The following RMST variants were observed in gnomAD, a reference collection of about 807,000 sequenced individuals.
RMST encodes the protein rhabdomyosarcoma 2 associated transcript, also known as long intergenic non-protein coding RNA 54.
chr12:97,475,561 A>G (rs1874436621), intron 5 of RMST, among the ~76,000 whole-genome samples: 1 of 150,722 alleles, frequency 6.6e-6, no homozygotes, highest in African/African-American at 2.4e-5. Context: ...AACGATTATA[A>G]TACCCACCTT....
chr12:97,480,530 G>T (rs1875152330), intron 5 of RMST, among the ~76,000 whole-genome samples: 1 of 152,130 alleles, frequency 6.6e-6, no homozygotes, highest in African/African-American at 2.4e-5. Flanking sequence ...TTGTCACCAT[G>T]CGATCCACCT....
At chr12:97,471,630 G>T (rs1463114573) in intron 5 of RMST, among the ~76,000 whole-genome samples, 1 of 152,102 alleles carries the variant, frequency 6.6e-6, no homozygotes, top group African/African-American at 2.4e-5. Context: ...TTTCTATGGT[G>T]ATTTCATTTT....
chr12:97,488,386 T>C (rs1876366449), intron 5 of RMST, among the ~76,000 whole-genome samples: 1 of 152,178 alleles, frequency 6.6e-6, no homozygotes, highest in East Asian at 1.9e-4. Context: ...TTGTTTTCAG[T>C]CTACTCTCTT....
intron 11 of RMST, chr12:97,552,153 C>G (rs976668831): frequency 3.3e-5 from 5 of 152,076 alleles, no homozygotes; most frequent in African/African-American, 1.2e-4. Context: ...TGCATCATTT[C>G]TAGAAAGTTA....
chr12:97,519,603 G>C (rs557469926), intron 10 of RMST, among the ~76,000 whole-genome samples: 8 of 152,272 alleles, frequency 5.3e-5, no homozygotes, highest in African/African-American at 1.9e-4. Context: ...CAAAGGCCTA[G>C]CTTGCTTAGC....
chr12:97,530,457 G>A (rs1367718900), intron 10 of RMST: 4 of 152,020 alleles, frequency 2.6e-5, no homozygotes, highest in Non-Finnish European at 4.4e-5. Context: ...GGTGACGCAT[G>A]TCTTCCTGAT....
intron 5 of RMST, among the ~76,000 whole-genome samples, chr12:97,485,826 G>C (rs1876030553): frequency 6.6e-6 from 1 of 152,212 alleles, no homozygotes; most frequent in African/African-American, 2.4e-5. Context: ...ATTTACATCA[G>C]GGCATTTCAG....
intron 5 of RMST, among the ~76,000 whole-genome samples, chr12:97,474,624 C>CAAAAAAAAAAAAAAAAAAAAAAAAA (rs34888626): frequency 3.6e-5 from 2 of 55,790 alleles, no homozygotes; most frequent in Non-Finnish European, 6.6e-5. Flanking sequence ...AAAAAGAAGC[C>CAAAAAAAAAAAAAAAAAAAAAAAAA]AAAAAAAAAA....
intron 10 of RMST, among the ~76,000 whole-genome samples, chr12:97,497,857 G>A (rs758818663): frequency 3.9e-5 from 6 of 152,058 alleles, no homozygotes; most frequent in Non-Finnish European, 8.8e-5. Flanking sequence ...GTAGGGGTCC[G>A]CTATGCTATG....
At chr12:97,540,947 T>G (rs1007241266) in intron 11 of RMST, among the ~76,000 whole-genome samples, 1 of 88,020 alleles carries the variant, frequency 1.1e-5, no homozygotes, top group Non-Finnish European at 1.9e-5. Context: ...GATAGATAGA[T>G]ATAGATATAG....
chr12:97,511,991 G>A (rs758674764), intron 10 of RMST, among the ~76,000 whole-genome samples: 12 of 152,184 alleles, frequency 7.9e-5, no homozygotes, highest in South Asian at 2.1e-4. Flanking sequence ...ATGAAGCCGC[G>A]GACCCTCGCA....
At chr12:97,505,833 A>T (rs1259223071) in intron 10 of RMST, among the ~76,000 whole-genome samples, 1 of 152,232 alleles carries the variant, frequency 6.6e-6, no homozygotes, top group African/African-American at 2.4e-5. Flanking sequence ...TACCAAAAAA[A>T]TTCAAGATTT....
At chr12:97,550,941 T>A (rs1883267774) in intron 11 of RMST, among the ~76,000 whole-genome samples, 1 of 152,144 alleles carries the variant, frequency 6.6e-6, no homozygotes, top group African/African-American at 2.4e-5. Context: ...AACCTCTAAT[T>A]GTCGCAACTC....
At chr12:97,539,318 A>ATT (rs903830669) in intron 11 of RMST, among the ~76,000 whole-genome samples, 2 of 151,590 alleles carry the variant, frequency 1.3e-5, no homozygotes, top group African/African-American at 4.8e-5. Context: ...TGCTTGGAAA[A>ATT]TACTCCATGG....
chr12:97,474,182 G>C (rs1205053324), intron 5 of RMST, among the ~76,000 whole-genome samples: 1 of 152,014 alleles, frequency 6.6e-6, no homozygotes, highest in Non-Finnish European at 1.5e-5. Flanking sequence ...ACTTATACTG[G>C]ACACATCATG....
intron 10 of RMST, among the ~76,000 whole-genome samples, chr12:97,505,840 A>G (rs1010681444): frequency 6.6e-6 from 1 of 152,234 alleles, no homozygotes; most frequent in African/African-American, 2.4e-5. Context: ...AAAATTCAAG[A>G]TTTCAATTTG....
intron 10 of RMST, among the ~76,000 whole-genome samples, chr12:97,516,075 T>C (rs1222196183): frequency 1.3e-5 from 2 of 152,106 alleles, no homozygotes; most frequent in Non-Finnish European, 1.5e-5. Context: ...CTAAAAATCA[T>C]AGGTCATTCC....
At chr12:97,480,236 C>A (rs967654416) in intron 5 of RMST, among the ~76,000 whole-genome samples, 1 of 151,770 alleles carries the variant, frequency 6.6e-6, no homozygotes, top group Non-Finnish European at 1.5e-5. Context: ...ACTACAGGCG[C>A]CCACCACCAC....
intron 10 of RMST, among the ~76,000 whole-genome samples, chr12:97,507,291 A>ATTTT: frequency 2.0e-5 from 3 of 150,146 alleles, no homozygotes; most frequent in Admixed American, 6.6e-5. Context: ...TTTTTTTAAA[A>ATTTT]AAAAAAAGAT....
Sources: gnomAD v4.1 joint callset for allele counts (sites outside exome capture counted in the v4.1 genomes callset) on GRCh38, gnomAD v4.1.1 for gene constraint, MANE v1.5 for transcripts, NCBI Gene and HGNC (gene_info 2026-07-23, HGNC 2026-07-21) for gene names.